ZC3H3: variants seen among roughly 807,000 people sequenced by gnomAD.
The protein encoded by ZC3H3 is zinc finger CCCH-type containing 3.
Under a neutral mutation model 77.3 loss-of-function variants are expected in ZC3H3, and 36 were observed. That is an observed-to-expected ratio of 0.47 (90% confidence interval 0.36 to 0.61). The LOEUF is 0.61. Ranked by LOEUF, ZC3H3 falls within the 20% of genes least tolerant of loss-of-function variation. ZC3H3 has a pLI of 0.00. For synonymous variants in ZC3H3, 626 were observed against 555.2 expected (o/e 1.13, Z -1.79); for missense variants, 1,331 against 1,312.2 (o/e 1.01, Z -0.22).
chr8:143,457,543 C>A (rs976457004), intron 9 of ZC3H3, among the ~76,000 whole-genome samples: 8 of 148,636 alleles, frequency 5.4e-5, no homozygotes, highest in Non-Finnish European at 8.9e-5. Context: ...CCAACCTGGG[C>A]AACATAGCGA....
At chr8:143,509,045 T>C (rs1821795471) in intron 3 of ZC3H3, among the ~76,000 whole-genome samples, 1 of 152,092 alleles carries the variant, frequency 6.6e-6, no homozygotes, top group South Asian at 2.1e-4. Flanking sequence ...CACACTGCCC[T>C]GTCCAGATGT....
At chr8:143,471,355 C>A (rs773740563) in intron 5 of ZC3H3, among the ~76,000 whole-genome samples, 1 of 152,250 alleles carries the variant, frequency 6.6e-6, no homozygotes, top group African/African-American at 2.4e-5. Flanking sequence ...ACAGGGCCTT[C>A]GTCACCCCAG....
Position 143,538,828 on chromosome 8 carries a change from C to T in ZC3H3, c.539G>A (p.Arg180Lys), listed in dbSNP as rs1822902853. ...AGGATCTTCCACACTGCAGGTCCCC[C>T]TGGCTCTTGTTGGCCTCGAGGGCTG... ...QLQPSRPTRA[R>K]GTCSVEDPLL... The change falls in exon 2 of 12, where the codon AGG (arginine) becomes AAG (lysine). Residue 180 changes from arginine to lysine, a missense_variant. Physicochemically the swap from Arg to Lys is conservative, Grantham distance 26. Transcript: ENST00000262577. 6.2e-7 allele frequency: 1 copy of T among 1,612,280 alleles called. No individual in the cohort carries two copies. The highest frequency in any genetic ancestry group is 8.5e-7 in the Non-Finnish European group (1 of 1,179,688).
chr8:143,489,343 G>C (rs971314868), intron 4 of ZC3H3, among the ~76,000 whole-genome samples: 4 of 145,908 alleles, frequency 2.7e-5, no homozygotes, highest in African/African-American at 9.9e-5. Flanking sequence ...AAGAAGCTGG[G>C]TAGGGTGGGG....
chr8:143,523,674 C>T (rs940622340), intron 3 of ZC3H3, among the ~76,000 whole-genome samples: 2 of 152,222 alleles, frequency 1.3e-5, no homozygotes, highest in Non-Finnish European at 2.9e-5. Flanking sequence ...AAGTGGCCAC[C>T]GCCAGGCTTC....
In ZC3H3 at chr8:143,493,639, A is replaced by C. The variant is rs1280753027; in HGVS notation, c.1715+14107T>G. Among the ~76,000 whole-genome samples the C allele has an allele frequency of 6.6e-6, 1 of 152,212 alleles. No individual in the cohort carries two copies. Among genetic ancestry groups the C allele is most frequent in the Non-Finnish European group, 1.5e-5 (1 of 68,036 alleles). On this transcript the variant is annotated intron_variant, in intron 4 of 11. Transcript: ENST00000262577. This position sits in a 1 kb window ranked among gnomAD's most constrained non-coding sequence, Gnocchi z 4.8. ...CACAGCACACTTTGAAACAACTTCCAAATTAAGAGTTGCATCCATGCTGTC... is the reference window on the plus strand; with the variant it reads ...CACAGCACACTTTGAAACAACTTCCCAATTAAGAGTTGCATCCATGCTGTC...
chr8:143,536,518 C>A (rs1022933830), intron 2 of ZC3H3, 65 bp from the exon 3 acceptor site: 27 of 1,425,528 alleles, frequency 1.9e-5, no homozygotes, highest in Non-Finnish European at 2.4e-5. Flanking sequence ...CACCCTTCCT[C>A]ACCAGGACCC....
At chr8:143,539,931 T>A (rs1314413553) in intron 1 of ZC3H3, among the ~76,000 whole-genome samples, 1 of 152,180 alleles carries the variant, frequency 6.6e-6, no homozygotes, top group African/African-American at 2.4e-5. Context: ...ACTTTCCAAA[T>A]AAGTCCCTGG....
intron 3 of ZC3H3, among the ~76,000 whole-genome samples, chr8:143,535,773 G>C (rs142739261): frequency 6.6e-6 from 1 of 152,262 alleles, no homozygotes; most frequent in African/African-American, 2.4e-5. Flanking sequence ...GAGTGGTACA[G>C]CAGGAGACCA....
At chr8:143,479,044 C>T (rs996354179) in intron 4 of ZC3H3, among the ~76,000 whole-genome samples, 6 of 152,204 alleles carry the variant, frequency 3.9e-5, no homozygotes, top group Non-Finnish European at 5.9e-5. Context: ...CAGGGCCTCC[C>T]GGGAATGGGG....
intron 4 of ZC3H3, among the ~76,000 whole-genome samples, chr8:143,483,123 A>G (rs1820952122): frequency 6.6e-6 from 1 of 152,182 alleles, no homozygotes; most frequent in East Asian, 1.9e-4. Context: ...GGGAGTGCGA[A>G]GTCAGCAGAA....
chr8:143,525,964 C>T (rs547100457), intron 3 of ZC3H3, among the ~76,000 whole-genome samples: 16 of 152,378 alleles, frequency 1.1e-4, no homozygotes, highest in African/African-American at 3.4e-4. Context: ...CCCGCTTCAG[C>T]GGCATCGGCC....
rs1025831097 is a variant in ZC3H3 at position 143,437,966 on chromosome 8, G to A, written c.*90C>T. On this transcript the variant is annotated 3_prime_UTR_variant, in exon 12 of 12. Coordinates refer to ENST00000262577, the MANE Select transcript of ZC3H3 (RefSeq NM_015117.3). ...CCCCAGGTGAGGCTTGGTGGCGGGCGGCCCTCCTGTGGGGTAGAGTGGTGG... is the reference window on the plus strand; with the variant it reads ...CCCCAGGTGAGGCTTGGTGGCGGGCAGCCCTCCTGTGGGGTAGAGTGGTGG... 83 of 1,533,808 alleles carry A rather than the reference G, an allele frequency of 5.4e-5. 1 individual carries two copies. In the African/African-American group the frequency reaches 5.6e-4, roughly 10 times the overall value.
intron 5 of ZC3H3, among the ~76,000 whole-genome samples, chr8:143,470,073 G>A (rs1163251344): frequency 6.6e-6 from 1 of 152,206 alleles, no homozygotes; most frequent in African/African-American, 2.4e-5. Context: ...AGCAGCCGCA[G>A]ACTCCCACCC....
intron 4 of ZC3H3, among the ~76,000 whole-genome samples, chr8:143,492,050 AG>A (rs1262334828): frequency 3.3e-5 from 5 of 152,210 alleles, no homozygotes; most frequent in African/African-American, 9.6e-5. Flanking sequence ...AAGCAGAAAG[AG>A]GGCACACTAC....
At position 143,538,565 on chromosome 8, in the gene ZC3H3, C is replaced by G. The variant is rs1380958303; in HGVS notation, c.802G>C (p.Gly268Arg). 6.2e-7 allele frequency: 1 copy of G among 1,611,262 alleles called. No homozygotes were observed. Among genetic ancestry groups the G allele is most frequent in the Non-Finnish European group, 8.5e-7 (1 of 1,180,008 alleles). ...QLLGDRRVDA[G>R]HTDQPVPSGS... ...GACGGAACTGGCTGATCTGTGTGGC[C>G]AGCATCTACTCTCCTGTCCCCAAGG... Residue 268 changes from glycine (G) to arginine (R), a missense_variant, in exon 2 of 12, where the codon GGC becomes CGC. Coordinates refer to ENST00000262577, the MANE Select transcript of ZC3H3 (RefSeq NM_015117.3).
intron 4 of ZC3H3, among the ~76,000 whole-genome samples, chr8:143,495,568 G>A (rs749190763): frequency 3.6e-4 from 55 of 152,074 alleles, no homozygotes; most frequent in Non-Finnish European, 7.6e-4. Flanking sequence ...CGTTGCGCAG[G>A]TGCATGCGTT....
At chr8:143,537,375 T>G (rs1271162774) in intron 2 of ZC3H3, among the ~76,000 whole-genome samples, 4 of 152,146 alleles carry the variant, frequency 2.6e-5, no homozygotes, top group Non-Finnish European at 2.9e-5. Flanking sequence ...AAGCCAGGAA[T>G]GCCTAAGGAG....
rs569848727 is a variant in ZC3H3, at chr8:143,538,723, G to C, written c.644C>G (p.Pro215Arg). 1.2e-6 allele frequency: 2 copies of C among 1,609,336 alleles called. No individual in the cohort carries two copies. Among genetic ancestry groups the C allele is most frequent in the East Asian group, 2.2e-5 (1 of 44,876 alleles). ...CACACTCTCACTGACTGTCCGGCGG[G>C]GCTCCCGGGGGCTGTCGCCCACACT... is the stretch of plus-strand genomic sequence containing the variant. ...VGSVGDSPRE[P>R]RRTVSESVIA... Residue 215 changes from proline (P) to arginine (R), a missense_variant, in exon 2 of 12, where the codon CCC becomes CGC. By Grantham distance (103) the Pro-to-Arg change is moderately radical (BLOSUM62 -2). This residue lies in a region of ZC3H3 where 978 missense variants were observed against 915.5 expected (regional missense o/e 1.07). Transcript: ENST00000262577.
Sources: gnomAD v4.1 joint callset for allele counts (sites outside exome capture counted in the v4.1 genomes callset) on GRCh38, gnomAD v4.1.1 for gene constraint, gnomAD v4.1.1 regional missense constraint, Gnocchi (gnomAD v3.1) non-coding constraint, MANE v1.5 for transcripts, NCBI Gene and HGNC (gene_info 2026-07-23, HGNC 2026-07-21) for gene names.